DLG5: variants seen among roughly 807,000 people sequenced by gnomAD.
The protein encoded by DLG5 is disks large homolog 5.
A neutral mutation model predicts 189.8 loss-of-function variants in DLG5; 48 were observed. That is an observed-to-expected ratio of 0.25 (90% CI 0.20 to 0.32). DLG5 has a LOEUF of 0.32. Among genes scored for constraint, DLG5 ranks in the 10% least tolerant of loss-of-function variants. The pLI is 1.00. For synonymous variants in DLG5, 1,016 were observed against 1,054.1 expected (o/e 0.96, Z 0.70); for missense variants, 2,160 against 2,544.7 (o/e 0.85, Z 3.25).
At chr10:77,865,861 T>TGGAGATC (rs1844656615) in intron 2 of DLG5, among the ~76,000 whole-genome samples, 1 of 152,150 alleles carries the variant, frequency 6.6e-6, no homozygotes. Flanking sequence ...AGGGCCAGGC[T>TGGAGATC]GGAGATCCGA....
chr10:77,810,622 A>C (rs2154575261), intron 23 of DLG5, among the ~76,000 whole-genome samples: 1 of 152,176 alleles, frequency 6.6e-6, no homozygotes, highest in South Asian at 2.1e-4. Context: ...GAACATTTTA[A>C]TCCAGCTGCC....
At chr10:77,820,235 A>G (rs1019401454) in intron 15 of DLG5, 4 of 529,938 alleles carry the variant, frequency 7.5e-6, no homozygotes, top group Non-Finnish European at 9.7e-6. Context: ...AATCCCAGCT[A>G]CTTGGGAGGC....
intron 2 of DLG5, chr10:77,868,883 C>T (rs1844792447): frequency 5.7e-6 from 3 of 526,506 alleles, no homozygotes; most frequent in Admixed American, 3.5e-5. Context: ...CCCTAGAAGC[C>T]CTGTGCCCTG....
chr10:77,890,813 C>T (rs1370827534), intron 1 of DLG5, among the ~76,000 whole-genome samples: 2 of 152,136 alleles, frequency 1.3e-5, no homozygotes, highest in Admixed American at 6.6e-5. Flanking sequence ...AGCCCTGTAC[C>T]ATCTCTGAGC....
At chr10:77,912,190 T>C (rs1314836739) in intron 1 of DLG5, 29 of 139,598 alleles carry the variant, frequency 2.1e-4, no homozygotes, top group Admixed American at 1.5e-4. Context: ...GGCAACAGGG[T>C]AAGACCCTGT....
chr10:77,824,606 C>T (rs1842524852), intron 13 of DLG5, 130 bp from the exon 14 acceptor site: 2 of 694,458 alleles, frequency 2.9e-6, no homozygotes, highest in Non-Finnish European at 4.9e-6. Context: ...CAGGAGTTGG[C>T]AAAGGATAGA....
At chr10:77,824,280 C>T in intron 14 of DLG5, 104 bp downstream of exon 14, 2 of 843,214 alleles carry the variant, frequency 2.4e-6, no homozygotes, top group Non-Finnish European at 1.9e-6. Context: ...AATGCCCACC[C>T]TGTTCTCAAG....
rs1011964642 is a variant in DLG5, at chr10:77,794,094, A to G, written c.5570T>C (p.Leu1857Pro). ...HIKEQRDPIY[L>P]RDKVTQRHSK... ...ATGCCTCTGAGTCACCTTGTCCCTC[A>G]GGTAGATGGGGTCTCTCTGCTCCCT... is the stretch of plus-strand genomic sequence containing the variant. The change falls in exon 31 of 32, where the codon CTG becomes CCG. Residue 1857 changes from leucine to proline, a missense_variant. By Grantham distance (98) the Leu-to-Pro change is moderately conservative. Transcript: ENST00000372391. The G allele has an allele frequency of 1.2e-6, 2 of 1,614,010 alleles. No homozygotes were observed. Among genetic ancestry groups the G allele is most frequent in the Non-Finnish European group, 1.7e-6 (2 of 1,180,028 alleles).
At chr10:77,921,414 G>C (rs1846530083) in intron 1 of DLG5, among the ~76,000 whole-genome samples, 1 of 152,154 alleles carries the variant, frequency 6.6e-6, no homozygotes, top group Admixed American at 6.6e-5. Context: ...AGTCCCACTA[G>C]AAAAGCCTGG....
At chr10:77,907,475 A>G (rs1242289346) in intron 1 of DLG5, among the ~76,000 whole-genome samples, 1 of 152,156 alleles carries the variant, frequency 6.6e-6, no homozygotes, top group Non-Finnish European at 1.5e-5. Flanking sequence ...GCTACTCAGG[A>G]GGCTAAGGTA....
intron 5 of DLG5, among the ~76,000 whole-genome samples, chr10:77,846,304 T>C (rs1843689707): frequency 6.6e-6 from 1 of 152,232 alleles, no homozygotes; most frequent in Non-Finnish European, 1.5e-5. Context: ...AGGACAGTCC[T>C]GACATCTGGT....
chr10:77,823,642 T>A (rs1265139067), intron 14 of DLG5, among the ~76,000 whole-genome samples: 1 of 151,864 alleles, frequency 6.6e-6, no homozygotes, highest in African/African-American at 2.4e-5. Flanking sequence ...GCGATTCTCC[T>A]GCCTCAGTCT....
intron 1 of DLG5, among the ~76,000 whole-genome samples, chr10:77,912,892 C>T (rs996444433): frequency 6.6e-6 from 1 of 152,074 alleles, no homozygotes; most frequent in Non-Finnish European, 1.5e-5. Context: ...GCAAGCAGAC[C>T]AGTGGTTTTC....
At chr10:77,862,714 G>A (rs1382966577) in intron 2 of DLG5, among the ~76,000 whole-genome samples, 1 of 152,214 alleles carries the variant, frequency 6.6e-6, no homozygotes, top group Non-Finnish European at 1.5e-5. Flanking sequence ...TTATGATGGA[G>A]TATTACTCAG....
chr10:77,926,348 T>C lies in DLG5; in HGVS notation c.173A>G (p.Lys58Arg), dbSNP rs368575487. The change falls in exon 1 of 32, where the codon AAG becomes AGG. Residue 58 changes from lysine (K) to arginine (R), a missense_variant. Physicochemically the swap from Lys to Arg is conservative, Grantham distance 26 (BLOSUM62 2). Coordinates refer to ENST00000372391, the MANE Select transcript of DLG5 (RefSeq NM_004747.4). The surrounding 1 kb of genome is among the most constrained non-coding windows in gnomAD (Gnocchi z 5.2). ...GTCCCGCTCCTTGGCCAAGAGCAGC[T>C]TGAGCAGCAGCTCCGCCTTGGCGCC... The part of the protein sequence containing the change: ...AGGAKAELLL[K>R]LLLAKERDHF... 2 of 1,603,346 alleles carry C rather than the reference T, an allele frequency of 1.2e-6. No homozygotes were observed. The highest frequency in any genetic ancestry group is 1.3e-5 in the African/African-American group (1 of 74,466).
chr10:77,926,903 C>A, upstream of DLG5: 1 of 347,592 alleles, frequency 2.9e-6, no homozygotes, highest in Non-Finnish European at 5.9e-6. The surrounding 1 kb of genome is among the most constrained non-coding windows in gnomAD (Gnocchi z 5.2). Context: ...CGAGAAAACT[C>A]GCCCCGAAAG....
chr10:77,864,178 T>C (rs1258541338), intron 2 of DLG5, among the ~76,000 whole-genome samples: 1 of 152,030 alleles, frequency 6.6e-6, no homozygotes, highest in African/African-American at 2.4e-5. Context: ...GCCACCGCCC[T>C]TTGTCCTGGG....
intron 2 of DLG5, among the ~76,000 whole-genome samples, chr10:77,861,789 C>T (rs1844482474): frequency 6.6e-6 from 1 of 152,226 alleles, no homozygotes; most frequent in South Asian, 2.1e-4. Context: ...ACCTCAACCA[C>T]TCCACAACAA....
At position 77,864,128 on chromosome 10, in the gene DLG5, G is replaced by A. The variant is rs544254364; in HGVS notation, c.373+5001C>T. Among the ~76,000 whole-genome samples, 7 of 152,162 alleles carry A rather than the reference G, an allele frequency of 4.6e-5. No individual in the cohort carries two copies. In the South Asian group the frequency reaches 1.2e-3, roughly 27 times the overall value. ...CCTGGCTGCTATGGTCACCACCACC[G>A]AGGCTCAGCAAATGAACTGGCAGCT... is the stretch of plus-strand genomic sequence containing the variant. On this transcript the variant is annotated intron_variant, in intron 2 of 31. Transcript: ENST00000372391.
Sources: gnomAD v4.1 joint callset for allele counts (sites outside exome capture counted in the v4.1 genomes callset) on GRCh38, gnomAD v4.1.1 for gene constraint, Gnocchi (gnomAD v3.1) non-coding constraint, MANE v1.5 for transcripts, NCBI Gene and HGNC (gene_info 2026-07-23, HGNC 2026-07-21) for gene names.